Variants in VLDLR observed in about 807,000 individuals in gnomAD.
VLDLR encodes very low-density lipoprotein receptor.
A neutral mutation model predicts 112.7 loss-of-function variants in VLDLR; 81 were observed. The observed-to-expected ratio is 0.72, with a 90% CI of 0.60 to 0.86. VLDLR has a LOEUF of 0.86. Among genes scored for constraint, VLDLR ranks in the 40% least tolerant of loss-of-function variants. The probability of loss-of-function intolerance (pLI) is 0.00; values close to 1 mark genes in which losing one functional copy is unlikely to be tolerated. For missense variants in VLDLR, 1,237 were observed against 1,099.4 expected (o/e 1.13, Z -1.77); for synonymous variants, 436 against 384.8 (o/e 1.13, Z -1.56).
chr9:2,650,170 C>G (rs1818258345), intron 14 of VLDLR, among the ~76,000 whole-genome samples, 200 bp from the exon 15 acceptor site: 1 of 152,134 alleles, frequency 6.6e-6, no homozygotes, highest in Non-Finnish European at 1.5e-5. Flanking sequence ...GAAGAGGTCC[C>G]TTATCTGGTG....
chr9:2,627,417 G>GT (rs1563745778), intron 1 of VLDLR, among the ~76,000 whole-genome samples: 1 of 152,148 alleles, frequency 6.6e-6, no homozygotes, highest in African/African-American at 2.4e-5. Context: ...ATCTGCGTCT[G>GT]ATATATCACA....
intron 2 of VLDLR, 67 bp from the exon 3 acceptor site, chr9:2,639,791 GC>G: frequency 1.2e-6 from 2 of 1,612,892 alleles, no homozygotes. Flanking sequence ...TGCAGTATGA[GC>G]CCTCATGTGA....
At chr9:2,645,815 G>A in intron 10 of VLDLR, 70 bp downstream of exon 10, 1 of 1,586,242 alleles carries the variant, frequency 6.3e-7, no homozygotes, top group East Asian at 2.2e-5. Context: ...CTGTGGGATA[G>A]TTTGGAGGAG....
rs189760762 is a variant in VLDLR at position 2,646,706 on chromosome 9, G to C, written c.1703+154G>C. Among the ~76,000 whole-genome samples the C allele has an allele frequency of 8.2e-4, 125 of 152,286 alleles. 1 individual carries two copies. Among genetic ancestry groups the C allele is most frequent in the African/African-American group, 2.8e-3 (116 of 41,560 alleles). ...ATTTAAGATATCAGTTTTGCCCCAG[G>C]TGAGTGACCCTGGGATGTCCTTATC... On this transcript the variant is annotated intron_variant, in intron 11 of 18. Coordinates refer to ENST00000382100, the MANE Select transcript of VLDLR (RefSeq NM_003383.5).
intron 1 of VLDLR, among the ~76,000 whole-genome samples, chr9:2,630,444 G>T (rs572219961): frequency 1.3e-5 from 2 of 152,144 alleles, no homozygotes; most frequent in Admixed American, 1.3e-4. Context: ...AGATGTAAAT[G>T]CTTGGCCCTG....
chr9:2,640,499 A>T (rs753998799), intron 3 of VLDLR, among the ~76,000 whole-genome samples: 1 of 152,230 alleles, frequency 6.6e-6, no homozygotes. Context: ...CATATTCTTA[A>T]ATAAGAGAAA....
At chr9:2,630,377 C>T (rs1015401990) in intron 1 of VLDLR, among the ~76,000 whole-genome samples, 4 of 151,856 alleles carry the variant, frequency 2.6e-5, no homozygotes, top group East Asian at 1.9e-4. Flanking sequence ...AACAAATGGA[C>T]GGAAGGAATT....
Position 2,645,098 on chromosome 9 carries a change from C to T in VLDLR, c.1312+16C>T, listed in dbSNP as rs1242229707. 6.2e-7 allele frequency: 1 copy of T among 1,614,022 alleles called. No homozygotes were observed. The highest frequency in any genetic ancestry group is 8.5e-7 in the Non-Finnish European group (1 of 1,180,010). On this transcript the variant is annotated intron_variant, in intron 9 of 18. Transcript: ENST00000382100. ...AAGGCAGTAGGTAAATGAACTTGGA[C>T]TGGTATGGCTGTTGTACCTTTATGA...
rs182216426 is a variant in VLDLR at position 2,646,381 on chromosome 9, A to G, written c.1532A>G (p.Asn511Ser). 1.3e-4 allele frequency: 210 copies of G among 1,614,212 alleles called. 2 individuals carry two copies. The highest frequency in any genetic ancestry group is 8.2e-4 in the Middle Eastern group (5 of 6,062). Residue 511 changes from asparagine to serine, a missense_variant, in exon 11 of 19, where the codon AAT becomes AGT. Asn to Ser is a conservative substitution (Grantham distance 46). Coordinates refer to ENST00000382100, the MANE Select transcript of VLDLR (RefSeq NM_003383.5). The stretch of plus-strand genomic sequence containing the variant: ...GGTAGACATGTTAAAATGATCGACA[A>G]TGTCTATAATCCTGCAGCCATTGCT... ...KVGRHVKMID[N>S]VYNPAAIAVD...
Position 2,621,876 on chromosome 9 carries a change from CT to C in VLDLR, c.-313del, listed in dbSNP as rs1563739656. On this transcript the variant is annotated 5_prime_UTR_variant, in exon 1 of 19. Transcript: ENST00000382100. ...TCTTCTGCTCTCGGCTCCCCACCCC[CT>C]CTCCCTTCCCTCCTCTCCCCTTGCC... 1.7e-6 allele frequency: 1 copy of C among 598,984 alleles called. No homozygotes were observed. The allele number at this position is 598,984 out of a possible 1,614,324, so 37.1% of individuals were successfully genotyped here.
chr9:2,649,352 G>A (rs1057075616), intron 14 of VLDLR, among the ~76,000 whole-genome samples: 6 of 151,874 alleles, frequency 4.0e-5, no homozygotes, highest in African/African-American at 1.2e-4. Flanking sequence ...TCACATCATC[G>A]TCCCTCTGTA....
At chr9:2,633,641 C>T (rs548142353) in intron 1 of VLDLR, among the ~76,000 whole-genome samples, 1 of 152,234 alleles carries the variant, frequency 6.6e-6, no homozygotes, top group East Asian at 1.9e-4. Context: ...GGCTTTCAGT[C>T]TTTACTGTAT....
chr9:2,632,642 C>T (rs1215838567), intron 1 of VLDLR, among the ~76,000 whole-genome samples: 1 of 152,220 alleles, frequency 6.6e-6, no homozygotes, highest in Non-Finnish European at 1.5e-5. Context: ...TAGAGCTCTG[C>T]ACAGCAGCAG....
Position 2,655,201 on chromosome 9 carries a change from G to A in VLDLR, c.*1333G>A, listed in dbSNP as rs1818550900. 6.6e-6 allele frequency: 1 copy of A among 152,192 alleles called. No homozygotes were observed. Among genetic ancestry groups the A allele is most frequent in the South Asian group, 2.1e-4 (1 of 4,832 alleles). The allele number at this position is 152,192 out of a possible 1,614,324, so 9.4% of individuals were successfully genotyped here. A position where few individuals can be genotyped will look rare whatever the true frequency, so the allele number is the denominator to read the frequency against. ...GCAATATCACCTAAATTTTTATCCT[G>A]GCTGGGATGGGGCAGATTCTTACTA... is the stretch of plus-strand genomic sequence containing the variant. On this transcript the variant is annotated 3_prime_UTR_variant, in exon 19 of 19. Transcript: ENST00000382100.
At chr9:2,645,548 A>C (rs1393724208) in intron 9 of VLDLR, 26 bp from the exon 10 acceptor site, 2 of 1,614,056 alleles carry the variant, frequency 1.2e-6, no homozygotes, top group African/African-American at 2.7e-5. Context: ...AAGCAAAACT[A>C]AGTAACCCAG....
chr9:2,643,457 G>A lies in VLDLR; in HGVS notation c.746G>A (p.Gly249Asp), dbSNP rs199615969. ...CPASEIQCGSGECIHKKWRCD... is the reference protein window; with the variant it reads ...CPASEIQCGSDECIHKKWRCD... ...GCCAGCGAAATCCAGTGCGGCTCTG[G>A]CGAGTGCATCCATAAGAAGTGGCGA... The change falls in exon 5 of 19, where the codon GGC becomes GAC. Residue 249 changes from glycine (G) to aspartate (D), a missense_variant. By Grantham distance (94) the Gly-to-Asp change is moderately conservative. Coordinates refer to ENST00000382100, the MANE Select transcript of VLDLR (RefSeq NM_003383.5). 15 of 1,614,198 alleles carry A rather than the reference G, an allele frequency of 9.3e-6. No individual in the cohort carries two copies. In the Admixed American group the frequency reaches 2.3e-4, roughly 25 times the overall value.
At chr9:2,628,724 T>C (rs973139796) in intron 1 of VLDLR, among the ~76,000 whole-genome samples, 3 of 152,076 alleles carry the variant, frequency 2.0e-5, no homozygotes, top group Non-Finnish European at 2.9e-5. Context: ...GGAGTACTGA[T>C]TTAGAGTAAG....
At chr9:2,623,565 C>G (rs1283016962) in intron 1 of VLDLR, among the ~76,000 whole-genome samples, 2 of 152,354 alleles carry the variant, frequency 1.3e-5, no homozygotes, top group East Asian at 1.9e-4. Context: ...GTTTTTACGT[C>G]TCCGAATGCC....
Position 2,654,702 on chromosome 9 carries a change from G to C in VLDLR, c.*834G>C, listed in dbSNP as rs191750546. 35 of 152,172 alleles carry C rather than the reference G, an allele frequency of 2.3e-4. No homozygotes were observed. The highest frequency in any genetic ancestry group is 2.2e-3 in the Admixed American group (34 of 15,268). The allele number at this position is 152,172 out of a possible 1,614,324, so 9.4% of individuals were successfully genotyped here. A position where few individuals can be genotyped will look rare whatever the true frequency, so the allele number is the denominator to read the frequency against. ...AAGAAGCTAGCTTAGTCTGTACCTAGAATTCCTCTTGGTTAGAGGAGTGAG... is the reference window on the plus strand; with the variant it reads ...AAGAAGCTAGCTTAGTCTGTACCTACAATTCCTCTTGGTTAGAGGAGTGAG... On this transcript the variant is annotated 3_prime_UTR_variant, in exon 19 of 19. Coordinates refer to ENST00000382100, the MANE Select transcript of VLDLR (RefSeq NM_003383.5).
Sources: gnomAD v4.1 joint callset for allele counts (sites outside exome capture counted in the v4.1 genomes callset) on GRCh38, gnomAD v4.1.1 for gene constraint, MANE v1.5 for transcripts, NCBI Gene and HGNC (gene_info 2026-07-23, HGNC 2026-07-21) for gene names.